The following THSD7B variants were observed in gnomAD, a reference collection of about 807,000 sequenced individuals.
THSD7B encodes thrombospondin type 1 domain containing 7B.
Under a neutral mutation model 213.6 loss-of-function variants are expected in THSD7B, and 138 were observed. The ratio of observed to expected loss-of-function variants is 0.65; its 90% confidence interval spans 0.56 to 0.74. THSD7B has a LOEUF of 0.74. Among genes scored for constraint, THSD7B ranks in the 30% least tolerant of loss-of-function variants. THSD7B has a pLI of 0.00. For missense variants in THSD7B, 1,931 were observed against 1,991.5 expected (o/e 0.97, Z 0.58); for synonymous variants, 742 against 687.0 (o/e 1.08, Z -1.25).
chr2:137,321,646 A>G (rs974388991), intron 12 of THSD7B, among the ~76,000 whole-genome samples: 2 of 152,244 alleles, frequency 1.3e-5, no homozygotes, highest in African/African-American at 4.8e-5. Flanking sequence ...CTCAATGTGT[A>G]AAGTGGGTTC....
At chr2:136,776,581 T>C (rs1681610160) in intron 1 of THSD7B, among the ~76,000 whole-genome samples, 1 of 152,160 alleles carries the variant, frequency 6.6e-6, no homozygotes, top group Non-Finnish European at 1.5e-5. Context: ...CATGTGTCAG[T>C]GTGTGGCAGA....
chr2:137,672,123 A>G (rs550828563), intron 27 of THSD7B, among the ~76,000 whole-genome samples: 39 of 152,342 alleles, frequency 2.6e-4, no homozygotes, highest in East Asian at 3.9e-4. Context: ...AAAATGTATT[A>G]GTATAAACTA....
chr2:137,458,087 A>G (rs1354152043), intron 15 of THSD7B, among the ~76,000 whole-genome samples: 1 of 152,192 alleles, frequency 6.6e-6, no homozygotes, highest in Non-Finnish European at 1.5e-5. Context: ...CAGGACTGTA[A>G]GTGGATGCCT....
chr2:136,894,234 T>C (rs1022943241), intron 2 of THSD7B, among the ~76,000 whole-genome samples: 7 of 93,046 alleles, frequency 7.5e-5, no homozygotes, highest in Admixed American at 1.2e-4. Flanking sequence ...TAAATATATG[T>C]GCTATGTTGC....
chr2:137,357,344 T>C (rs942682410), intron 12 of THSD7B, among the ~76,000 whole-genome samples: 6 of 152,218 alleles, frequency 3.9e-5, no homozygotes, highest in Non-Finnish European at 5.9e-5. Flanking sequence ...CTTAGGTTTA[T>C]ATCTTAACAT....
chr2:137,670,504 T>G (rs1683539418), intron 27 of THSD7B, among the ~76,000 whole-genome samples: 1 of 152,208 alleles, frequency 6.6e-6, no homozygotes, highest in Admixed American at 6.5e-5. Flanking sequence ...AAATTGACTT[T>G]TTAAATAAAC....
intron 27 of THSD7B, among the ~76,000 whole-genome samples, chr2:137,675,010 C>T (rs11884675): frequency 0.98 from 148,522 of 152,296 alleles, 72,519 homozygotes; most frequent in East Asian, 1. Flanking sequence ...ATTTTATCAA[C>T]TTTTTATTGC....
At chr2:137,287,066 G>T (rs1439382714) in intron 12 of THSD7B, among the ~76,000 whole-genome samples, 1 of 152,124 alleles carries the variant, frequency 6.6e-6, no homozygotes, top group Non-Finnish European at 1.5e-5. Context: ...AGAAAAAAAT[G>T]ATTATACCCC....
intron 15 of THSD7B, among the ~76,000 whole-genome samples, chr2:137,467,570 G>C (rs1162407545): frequency 6.6e-6 from 1 of 152,070 alleles, no homozygotes; most frequent in East Asian, 1.9e-4. Context: ...TTGTTGAGGA[G>C]TAAATAAGAA....
At chr2:136,978,034 G>T (rs1185060862) in intron 2 of THSD7B, among the ~76,000 whole-genome samples, 1 of 152,000 alleles carries the variant, frequency 6.6e-6, no homozygotes, top group Non-Finnish European at 1.5e-5. Context: ...CCTGACCTCA[G>T]GTGATCTGCC....
At chr2:137,481,621 C>T (rs535693330) in intron 15 of THSD7B, among the ~76,000 whole-genome samples, 10 of 152,232 alleles carry the variant, frequency 6.6e-5, no homozygotes, top group East Asian at 5.8e-4. Context: ...GCAAAAGCAG[C>T]CATGAGCAAT....
chr2:136,918,944 G>A (rs904094526), intron 2 of THSD7B, among the ~76,000 whole-genome samples: 6 of 152,212 alleles, frequency 3.9e-5, no homozygotes, highest in African/African-American at 1.4e-4. Flanking sequence ...GCATGCGTGA[G>A]TGATGGGTCT....
chr2:137,420,525 C>T (rs988462960), intron 14 of THSD7B, among the ~76,000 whole-genome samples: 2 of 152,162 alleles, frequency 1.3e-5, no homozygotes, highest in African/African-American at 4.8e-5. Flanking sequence ...ATTCTCGGTC[C>T]TATACTTCTC....
chr2:137,275,146 G>A (rs1029960122), intron 11 of THSD7B, among the ~76,000 whole-genome samples: 11 of 152,064 alleles, frequency 7.2e-5, no homozygotes, highest in Admixed American at 6.6e-4. Context: ...TAAAAATAGA[G>A]TTTTGTTGAC....
chr2:137,176,094 T>C (rs1455271861), intron 7 of THSD7B, among the ~76,000 whole-genome samples: 1 of 152,180 alleles, frequency 6.6e-6, no homozygotes, highest in African/African-American at 2.4e-5. Flanking sequence ...ATAATATTTA[T>C]TTTCTTGTAT....
chr2:136,810,698 G>A (rs1000984152), intron 1 of THSD7B, among the ~76,000 whole-genome samples: 2 of 152,134 alleles, frequency 1.3e-5, no homozygotes, highest in Non-Finnish European at 2.9e-5. Context: ...ATCCTTAGTC[G>A]TTATATAGTA....
chr2:137,671,851 G>C (rs1234786416), intron 27 of THSD7B, among the ~76,000 whole-genome samples: 1 of 152,068 alleles, frequency 6.6e-6, no homozygotes, highest in Non-Finnish European at 1.5e-5. Flanking sequence ...GTTTCCCCTT[G>C]CTAGCTATTG....
intron 12 of THSD7B, among the ~76,000 whole-genome samples, chr2:137,333,215 C>T (rs919300739): frequency 6.6e-5 from 10 of 152,088 alleles, no homozygotes; most frequent in Non-Finnish European, 1.0e-4. Context: ...CAGCAGGTTC[C>T]GATACATCTA....
chr2:137,204,591 G>C (rs1680943375), intron 7 of THSD7B, among the ~76,000 whole-genome samples: 1 of 152,074 alleles, frequency 6.6e-6, no homozygotes, highest in African/African-American at 2.4e-5. Flanking sequence ...CATTTGGAAG[G>C]ACACCATTTC....
Sources: gnomAD v4.1 joint callset for allele counts (sites outside exome capture counted in the v4.1 genomes callset) on GRCh38, gnomAD v4.1.1 for gene constraint, MANE v1.5 for transcripts, NCBI Gene and HGNC (gene_info 2026-07-23, HGNC 2026-07-21) for gene names.